The following MOSPD2 variants were observed in gnomAD, a reference collection of about 807,000 sequenced individuals.
MOSPD2 encodes motile sperm domain-containing protein 2.
MOSPD2 carries 5 observed loss-of-function variants against 41.7 expected under a neutral mutation model. The observed-to-expected ratio is 0.12, with a 90% confidence interval of 0.06 to 0.25. The LOEUF is 0.25. Ranked by LOEUF, MOSPD2 falls within the 10% of genes least tolerant of loss-of-function variation. The probability of loss-of-function intolerance (pLI) is 1.00; values close to 1 mark genes in which losing one functional copy is unlikely to be tolerated. For missense variants in MOSPD2, 282 were observed against 375.2 expected (o/e 0.75, Z 2.05); for synonymous variants, 115 against 126.9 (o/e 0.91, Z 0.63).
At chrX:14,880,948 AGAGT>A (rs1304681922) in intron 2 of MOSPD2, among the ~76,000 whole-genome samples, 7 of 112,104 alleles carry the variant, frequency 6.2e-5, no homozygotes, top group Admixed American at 4.7e-4. Flanking sequence ...TCTAAGCTTC[AGAGT>A]GAGTGTTACC....
Position 14,884,172 on chromosome X carries a change from G to GA in MOSPD2, c.80-8540dup, listed in dbSNP as rs890811037. On this transcript the variant is annotated intron_variant, in intron 2 of 14. Coordinates refer to ENST00000380492, the MANE Select transcript of MOSPD2 (RefSeq NM_152581.4). ...GGCATGCAAAGATTGACCATTGCTG[G>GA]AAAAAAAAAAACTACTTGTCTACTT... Among the ~76,000 whole-genome samples the GA allele has an allele frequency of 1.0e-2, 1,035 of 103,615 alleles. 3 individuals carry two copies. The highest frequency in any genetic ancestry group is 0.016 in the Non-Finnish European group (784 of 50,197). 90.0% of individuals were successfully genotyped at this position (103,615 alleles called of 115,157 possible).
chrX:14,891,500 A>AT (rs200381044), intron 2 of MOSPD2, among the ~76,000 whole-genome samples: 25 of 104,890 alleles, frequency 2.4e-4, no homozygotes, highest in East Asian at 2.4e-3. Context: ...TACTTAGTTA[A>AT]TTTTTTTTTT....
Position 14,912,372 on chromosome X carries a change from A to G in MOSPD2, c.992+11A>G, listed in dbSNP as rs756408195. Reference sequence around the variant, plus strand: ...CTTACTACACATCAGGTAATCGTCAAAGATTTTATTAGCTATAATTTTATA... The same window carrying G: ...CTTACTACACATCAGGTAATCGTCAGAGATTTTATTAGCTATAATTTTATA... On this transcript the variant is annotated intron_variant, in intron 10 of 14. Coordinates refer to ENST00000380492, the MANE Select transcript of MOSPD2 (RefSeq NM_152581.4). The G allele has an allele frequency of 2.3e-5, 23 of 1,017,819 alleles. 1 individual carries two copies. In the Middle Eastern group the frequency reaches 8.0e-4, roughly 36 times the overall value. 83.9% of individuals were successfully genotyped at this position (1,017,819 alleles called of 1,213,427 possible). A position where few individuals can be genotyped will look rare whatever the true frequency, so the allele number is the denominator to read the frequency against.
chrX:14,899,002 A>C (rs1377159627), intron 5 of MOSPD2, among the ~76,000 whole-genome samples: 1 of 109,622 alleles, frequency 9.1e-6, no homozygotes, highest in Non-Finnish European at 1.9e-5. Context: ...TTGGGACACC[A>C]GTTTGGCTCT....
intron 12 of MOSPD2, 121 bp from the exon 13 acceptor site, chrX:14,916,076 A>C (rs1697019686): frequency 9.2e-7 from 1 of 1,084,369 alleles, no homozygotes; most frequent in African/African-American, 1.9e-5. Context: ...CTTTTTAAAG[A>C]CATTTCCATT....
chrX:14,913,583 A>G lies in MOSPD2; in HGVS notation c.993-920A>G, dbSNP rs185103385. Among the ~76,000 whole-genome samples, 4 of 111,896 alleles carry G rather than the reference A, an allele frequency of 3.6e-5. No homozygotes were observed. In the Admixed American group the frequency reaches 3.8e-4, roughly 11 times the overall value. On this transcript the variant is annotated intron_variant, in intron 10 of 14. Coordinates refer to ENST00000380492, the MANE Select transcript of MOSPD2 (RefSeq NM_152581.4). ...AGAAAGCCAGCAACCATGCAAATTT[A>G]CCACCTTATCCAAAACTAGGCAAAG...
intron 2 of MOSPD2, 97 bp downstream of exon 2, chrX:14,873,855 C>A (rs981131658): frequency 1.5e-5 from 10 of 681,679 alleles, no homozygotes; most frequent in Admixed American, 2.3e-5. Context: ...GTGTTAGGGA[C>A]CCTTTCGACC....
chrX:14,888,231 C>G (rs2092546172), intron 2 of MOSPD2, among the ~76,000 whole-genome samples: 1 of 96,628 alleles, frequency 1.0e-5, no homozygotes, highest in Non-Finnish European at 1.9e-5. Flanking sequence ...CACACACACA[C>G]ACACACACAC....
Position 14,920,399 on chromosome X carries a change from CT to C in MOSPD2, c.*593del. On this transcript the variant is annotated 3_prime_UTR_variant, in exon 15 of 15. Transcript: ENST00000380492. Reference sequence around the variant, plus strand: ...CGATTTAATGCCAAACCACCTTAACCTTTGTTTCTCAGTGTTCCTTAACAGC... The same window carrying C: ...CGATTTAATGCCAAACCACCTTAACCTTGTTTCTCAGTGTTCCTTAACAGC... 1.3e-6 allele frequency: 1 copy of C among 754,436 alleles called. No homozygotes were observed. Among genetic ancestry groups the C allele is most frequent in the Non-Finnish European group, 1.6e-6 (1 of 639,059 alleles). 62.2% of individuals were successfully genotyped at this position (754,436 alleles called of 1,213,427 possible). A position where few individuals can be genotyped will look rare whatever the true frequency, so the allele number is the denominator to read the frequency against.
chrX:14,899,565 T>TACACACACACACACACACAC lies in MOSPD2; in HGVS notation c.478-988_478-969dup, dbSNP rs59555716. Among the ~76,000 whole-genome samples, 176 of 81,045 alleles carry TACACACACACACACACACAC rather than the reference T, an allele frequency of 2.2e-3. 1 individual carries two copies. The highest frequency in any genetic ancestry group is 3.5e-3 in the Non-Finnish European group (145 of 41,616). 70.4% of individuals were successfully genotyped at this position (81,045 alleles called of 115,157 possible). ...ATTTTATATATATATATTATATACA[T>TACACACACACACACACACAC]ACACACACACACACACACACACACA... On this transcript the variant is annotated intron_variant, in intron 5 of 14. Coordinates refer to ENST00000380492, the MANE Select transcript of MOSPD2 (RefSeq NM_152581.4).
intron 7 of MOSPD2, among the ~76,000 whole-genome samples, chrX:14,906,758 C>T (rs2092582842): frequency 8.9e-6 from 1 of 112,181 alleles, no homozygotes; most frequent in East Asian, 2.8e-4. Flanking sequence ...GGCATGGTGA[C>T]TCACGCCTGT....
At chrX:14,898,227 T>C (rs918499125) in intron 5 of MOSPD2, among the ~76,000 whole-genome samples, 1 of 112,021 alleles carries the variant, frequency 8.9e-6, no homozygotes, top group Non-Finnish European at 1.9e-5. Flanking sequence ...ATGGTATATC[T>C]AGTTAGTTGA....
chrX:14,900,913 A>T (rs961892760), intron 6 of MOSPD2, among the ~76,000 whole-genome samples: 2 of 111,970 alleles, frequency 1.8e-5, no homozygotes, highest in African/African-American at 6.5e-5. Context: ...ATAGGTACAT[A>T]AAAGCATACA....
At chrX:14,880,317 G>A (rs1020790166) in intron 2 of MOSPD2, among the ~76,000 whole-genome samples, 49 of 110,871 alleles carry the variant, frequency 4.4e-4, no homozygotes, top group African/African-American at 1.6e-3. Flanking sequence ...ATGGTTGCTG[G>A]TTTATGGGAA....
At chrX:14,914,732 G>A (rs1374672752) in intron 11 of MOSPD2, 133 bp downstream of exon 11, 6 of 417,220 alleles carry the variant, frequency 1.4e-5, no homozygotes, top group Non-Finnish European at 1.2e-5. Context: ...TTTTAGGCAT[G>A]TTGTACTACC....
chrX:14,880,276 A>G (rs146399152), intron 2 of MOSPD2, among the ~76,000 whole-genome samples: 3,643 of 111,023 alleles, frequency 0.033, 58 homozygotes, highest in Non-Finnish European at 0.055. Flanking sequence ...TGTTATTTAA[A>G]TGGTATGTCT....
At chrX:14,919,073 C>T (rs776552065) in intron 14 of MOSPD2, among the ~76,000 whole-genome samples, 143 of 110,967 alleles carry the variant, frequency 1.3e-3, no homozygotes, top group Non-Finnish European at 1.9e-3. Flanking sequence ...TAAAAATGAG[C>T]CAGTTGTGGT....
At chrX:14,919,310 G>A (rs1436486009) in intron 14 of MOSPD2, among the ~76,000 whole-genome samples, 2 of 112,097 alleles carry the variant, frequency 1.8e-5, no homozygotes, top group African/African-American at 6.5e-5. Context: ...GTACTTTGGG[G>A]AGTATCAAAT....
intron 2 of MOSPD2, among the ~76,000 whole-genome samples, chrX:14,890,852 C>T (rs1376977835): frequency 9.0e-6 from 1 of 111,528 alleles, no homozygotes; most frequent in Non-Finnish European, 1.9e-5. Flanking sequence ...TAACTAGATG[C>T]AGAAGAAAAG....
Sources: gnomAD v4.1 joint callset for allele counts (sites outside exome capture counted in the v4.1 genomes callset) on GRCh38, gnomAD v4.1.1 for gene constraint, MANE v1.5 for transcripts, NCBI Gene and HGNC (gene_info 2026-07-23, HGNC 2026-07-21) for gene names.